The following CDK5RAP2 variants were observed in gnomAD, a reference collection of about 807,000 sequenced individuals.
CDK5RAP2 encodes CDK5 regulatory subunit associated protein 2.
CDK5RAP2 carries 147 observed loss-of-function variants against 232.9 expected under a neutral mutation model. That is an observed-to-expected ratio of 0.63 (90% confidence interval 0.55 to 0.72). The LOEUF (loss-of-function observed/expected upper bound fraction) is 0.72, where lower values mean the gene tolerates loss of function less well. Among genes scored for constraint, CDK5RAP2 ranks in the 30% least tolerant of loss-of-function variants. The probability of loss-of-function intolerance (pLI) is 0.00; values close to 1 mark genes in which losing one functional copy is unlikely to be tolerated. For synonymous variants in CDK5RAP2, 833 were observed against 833.7 expected (o/e 1.00, Z 0.01); for missense variants, 2,195 against 2,231.5 (o/e 0.98, Z 0.33).
chr9:120,494,611 C>CTAAA (rs61444482), intron 12 of CDK5RAP2, among the ~76,000 whole-genome samples: 11,333 of 152,026 alleles, frequency 0.075, 1,360 homozygotes, highest in African/African-American at 0.26. Context: ...AAACAAATAA[C>CTAAA]TAATAAACAA....
At chr9:120,406,356 C>A (rs896266216) in intron 32 of CDK5RAP2, 2 of 152,640 alleles carry the variant, frequency 1.3e-5, no homozygotes, top group African/African-American at 2.4e-5. Flanking sequence ...TTTCTAGCTC[C>A]AGCTCTGCTG....
At chr9:120,429,346 A>G (rs1299730603) in intron 25 of CDK5RAP2, among the ~76,000 whole-genome samples, 2 of 152,064 alleles carry the variant, frequency 1.3e-5, no homozygotes, top group Non-Finnish European at 2.9e-5. Flanking sequence ...ACATGATTGT[A>G]TATCTAGAAA....
intron 22 of CDK5RAP2, among the ~76,000 whole-genome samples, chr9:120,444,515 T>G (rs1466061085): frequency 6.6e-6 from 1 of 152,204 alleles, no homozygotes; most frequent in African/African-American, 2.4e-5. Flanking sequence ...CAGGGAATGT[T>G]CACTGAATGA....
intron 18 of CDK5RAP2, among the ~76,000 whole-genome samples, chr9:120,464,971 AC>A (rs2037293261): frequency 6.6e-6 from 1 of 152,212 alleles, no homozygotes; most frequent in Non-Finnish European, 1.5e-5. Flanking sequence ...ACTTCTGACA[AC>A]CATTTCTGTC....
intron 2 of CDK5RAP2, among the ~76,000 whole-genome samples, chr9:120,570,710 G>A (rs754606274): frequency 9.9e-5 from 15 of 151,996 alleles, no homozygotes; most frequent in Admixed American, 2.6e-4. Flanking sequence ...GTGGTGGCAC[G>A]TGCCTGTAAT....
chr9:120,544,869 G>A (rs182890918), intron 5 of CDK5RAP2, among the ~76,000 whole-genome samples: 2 of 152,250 alleles, frequency 1.3e-5, no homozygotes, highest in East Asian at 3.9e-4. Flanking sequence ...AGCTCTTGGA[G>A]TAGAAGGGTG....
chr9:120,400,544 A>G (rs960217352), intron 35 of CDK5RAP2, among the ~76,000 whole-genome samples, 198 bp downstream of exon 35: 5 of 152,254 alleles, frequency 3.3e-5, no homozygotes, highest in African/African-American at 1.2e-4. Flanking sequence ...AGACACGCTC[A>G]GACGGGTCAT....
intron 4 of CDK5RAP2, among the ~76,000 whole-genome samples, chr9:120,546,262 G>A (rs2132029315): frequency 6.6e-6 from 1 of 152,266 alleles, no homozygotes; most frequent in South Asian, 2.1e-4. Flanking sequence ...GAAAACAGGA[G>A]ACCACATCAT....
intron 3 of CDK5RAP2, among the ~76,000 whole-genome samples, chr9:120,557,166 A>G (rs2042260316): frequency 6.6e-6 from 1 of 152,190 alleles, no homozygotes; most frequent in African/African-American, 2.4e-5. Context: ...GTCCCAAATG[A>G]ATAAAATGAA....
intron 17 of CDK5RAP2, among the ~76,000 whole-genome samples, chr9:120,468,620 A>G (rs922897698): frequency 6.6e-6 from 1 of 152,258 alleles, no homozygotes; most frequent in African/African-American, 2.4e-5. Flanking sequence ...TACAATGAGG[A>G]CATGAAATAC....
intron 2 of CDK5RAP2, among the ~76,000 whole-genome samples, chr9:120,570,829 A>G (rs141793927): frequency 0.011 from 1,605 of 151,596 alleles, 32 homozygotes; most frequent in African/African-American, 0.037. Context: ...ACAGAGCGAG[A>G]CTCCATCTCA....
chr9:120,509,191 A>T (rs1486935890), intron 12 of CDK5RAP2, among the ~76,000 whole-genome samples: 1 of 152,212 alleles, frequency 6.6e-6, no homozygotes, highest in African/African-American at 2.4e-5. Flanking sequence ...TCTTCAGAGG[A>T]GAGGTTACTA....
chr9:120,458,667 G>A (rs1387916844), intron 19 of CDK5RAP2, 45 bp from the exon 20 acceptor site: 2 of 1,570,702 alleles, frequency 1.3e-6, no homozygotes, highest in South Asian at 2.2e-5. Flanking sequence ...AAGGAGGAAG[G>A]GAATGGGGTG....
In CDK5RAP2 at chr9:120,580,027, A is replaced by G. The variant is rs770044954; in HGVS notation, c.-49T>C. ...TGGTGTCTGTGGCGGCGGCGCCACT[A>G]GTACCCCCCGCGATAGCGACCCGCC... On this transcript the variant is annotated 5_prime_UTR_variant, in exon 1 of 38. Coordinates refer to ENST00000349780, the MANE Select transcript of CDK5RAP2 (RefSeq NM_018249.6). The G allele has an allele frequency of 1.5e-6, 2 of 1,298,458 alleles. No individual in the cohort carries two copies. The highest frequency in any genetic ancestry group is 2.2e-6 in the Non-Finnish European group (2 of 901,128). The allele number at this position is 1,298,458 out of a possible 1,614,324, so 80.4% of individuals were successfully genotyped here.
chr9:120,550,702 T>A, intron 4 of CDK5RAP2, 90 bp downstream of exon 4: 2 of 825,554 alleles, frequency 2.4e-6, no homozygotes, highest in Non-Finnish European at 4.3e-6. Flanking sequence ...CTATTCATAC[T>A]AACTCTAAGA....
chr9:120,426,621 G>A (rs7854508), intron 25 of CDK5RAP2, among the ~76,000 whole-genome samples: 1 of 152,042 alleles, frequency 6.6e-6, no homozygotes, highest in Non-Finnish European at 1.5e-5. Flanking sequence ...TATTCAGATC[G>A]TTAAAAGGTG....
intron 2 of CDK5RAP2, among the ~76,000 whole-genome samples, chr9:120,569,076 TGAA>T (rs2042752888): frequency 6.6e-6 from 1 of 152,164 alleles, no homozygotes; most frequent in African/African-American, 2.4e-5. Context: ...GAAACAATGG[TGAA>T]GGAGACACTA....
intron 6 of CDK5RAP2, 152 bp downstream of exon 6, chr9:120,538,889 C>A (rs2041507408): frequency 2.4e-6 from 2 of 833,168 alleles, no homozygotes; most frequent in East Asian, 5.1e-5. Flanking sequence ...ATATAAAATG[C>A]CTGAAATGGG....
chr9:120,392,774 C>T (rs1397864045), intron 36 of CDK5RAP2, among the ~76,000 whole-genome samples: 1 of 152,194 alleles, frequency 6.6e-6, no homozygotes, highest in Non-Finnish European at 1.5e-5. Context: ...ACCACTCTGC[C>T]AGGTTGACCT....
Sources: allele counts gnomAD v4.1 joint callset (sites outside exome capture counted in the v4.1 genomes callset), GRCh38; gene constraint gnomAD v4.1.1; transcripts MANE v1.5; gene names NCBI Gene and HGNC (gene_info 2026-07-23, HGNC 2026-07-21).